PTPRZ1: variants seen among roughly 807,000 people sequenced by gnomAD.
PTPRZ1 encodes protein tyrosine phosphatase receptor type Z1.
PTPRZ1 carries 82 observed loss-of-function variants against 214.1 expected under a neutral mutation model. The observed-to-expected ratio is 0.38, with a 90% CI of 0.32 to 0.46. The LOEUF (loss-of-function observed/expected upper bound fraction) is 0.46, where lower values mean the gene tolerates loss of function less well. Ranked by LOEUF, PTPRZ1 falls within the 20% of genes least tolerant of loss-of-function variation. The pLI is 1.00. For synonymous variants in PTPRZ1, 945 were observed against 987.9 expected (o/e 0.96, Z 0.81); for missense variants, 2,603 against 2,748.7 (o/e 0.95, Z 1.19).
intron 15 of PTPRZ1, 121 bp downstream of exon 15, chr7:122,031,680 G>T: frequency 1.6e-6 from 1 of 612,200 alleles, no homozygotes; most frequent in East Asian, 2.9e-5. Flanking sequence ...GTAAAAATAT[G>T]AGTTCCATAA....
chr7:121,970,200 G>C (rs1797194806), intron 3 of PTPRZ1, among the ~76,000 whole-genome samples: 4 of 152,130 alleles, frequency 2.6e-5, no homozygotes, highest in Middle Eastern at 3.4e-3. Flanking sequence ...CCAGTCTATT[G>C]TTGTTGGACA....
rs1799628401 is a variant in PTPRZ1, at chr7:122,038,840, A to G, written c.5453A>G (p.His1818Arg). ...GATTTCTGGAGAATGATATGGGAAC[A>G]TAATGTGGAAGTTATTGTCATGATA... is the stretch of plus-strand genomic sequence containing the variant. ...AEDFWRMIWE[H>R]NVEVIVMITN... Residue 1818 changes from histidine (H) to arginine (R), a missense_variant, in exon 19 of 30, where the codon CAT becomes CGT. Physicochemically the swap from His to Arg is conservative, Grantham distance 29 (BLOSUM62 0). Coordinates refer to ENST00000393386, the MANE Select transcript of PTPRZ1 (RefSeq NM_002851.3). 1 of 1,613,930 alleles carries G rather than the reference A, an allele frequency of 6.2e-7. No individual in the cohort carries two copies. The highest frequency in any genetic ancestry group is 8.5e-7 in the Non-Finnish European group (1 of 1,179,858).
chr7:122,022,486 G>A (rs1799047330), intron 13 of PTPRZ1, among the ~76,000 whole-genome samples: 1 of 152,188 alleles, frequency 6.6e-6, no homozygotes, highest in African/African-American at 2.4e-5. Flanking sequence ...CCCGTACAGA[G>A]ACAGAGGGAG....
At chr7:122,055,179 G>A in intron 27 of PTPRZ1, 92 bp downstream of exon 27, 1 of 1,100,784 alleles carries the variant, frequency 9.1e-7, no homozygotes, top group Non-Finnish European at 1.2e-6. Context: ...TGAAAAGCAT[G>A]ATTCTGATTT....
In PTPRZ1 at chr7:121,876,733, CGTATACT is replaced by C. The variant is rs552276131; in HGVS notation, c.58+3179_58+3185del. ...TTATTTCATTTCTCTCTCCTTTTTA[CGTATACT>C]GTGGTTGCTTCCAGTCAGGGAAGTT... On this transcript the variant is annotated intron_variant, in intron 1 of 29. Transcript: ENST00000393386. Among the ~76,000 whole-genome samples the C allele has an allele frequency of 1.2e-4, 19 of 152,200 alleles. 1 individual carries two copies. The South Asian group carries it at 3.9e-3, about 32-fold the overall frequency.
Position 122,053,954 on chromosome 7 carries a change from C to A in PTPRZ1, c.6297C>A (p.Leu2099=). The A allele has an allele frequency of 6.2e-7, 1 of 1,613,302 alleles. No individual in the cohort carries two copies. The part of the protein sequence containing the change: ...SNEFIITQHP[L]LHTIKDFWRM... ...AATTCATCATTACCCAGCACCCTCT[C>A]CTTCATACCATCAAGGATTTCTGGA... The change falls in exon 26 of 30, where the codon CTC becomes CTA. Residue 2099 remains leucine, a synonymous_variant. Coordinates refer to ENST00000393386, the MANE Select transcript of PTPRZ1 (RefSeq NM_002851.3).
At chr7:121,913,347 T>C (rs1447317037) in intron 1 of PTPRZ1, among the ~76,000 whole-genome samples, 5 of 152,156 alleles carry the variant, frequency 3.3e-5, no homozygotes, top group Non-Finnish European at 1.5e-5. Context: ...CAAATATTCA[T>C]CCGCTCAGCT....
intron 1 of PTPRZ1, among the ~76,000 whole-genome samples, chr7:121,900,401 T>C (rs1228026187): frequency 1.3e-5 from 2 of 152,234 alleles, no homozygotes; most frequent in Non-Finnish European, 2.9e-5. Context: ...GATGTGCCTC[T>C]TCTATTTATT....
At chr7:121,990,119 C>T (rs2116589516) in intron 8 of PTPRZ1, among the ~76,000 whole-genome samples, 1 of 152,056 alleles carries the variant, frequency 6.6e-6, no homozygotes, top group East Asian at 1.9e-4. Context: ...TATTTTTTGC[C>T]ATTATAAATA....
rs1263268371 is a variant in PTPRZ1, at chr7:121,873,179, C to G, written c.-321C>G. 1 of 411,672 alleles carries G rather than the reference C, an allele frequency of 2.4e-6. No individual in the cohort carries two copies. The highest frequency in any genetic ancestry group is 4.3e-6 in the Non-Finnish European group (1 of 234,120). 25.5% of individuals were successfully genotyped at this position (411,672 alleles called of 1,614,324 possible). A position where few individuals can be genotyped will look rare whatever the true frequency, so the allele number is the denominator to read the frequency against. ...AGCGCTCAGACCGCGGCCGCCGCAG[C>G]CGGCGAAAGAGGCAAAGTCCCGCAC... On this transcript the variant is annotated 5_prime_UTR_variant, in exon 1 of 30. Coordinates refer to ENST00000393386, the MANE Select transcript of PTPRZ1 (RefSeq NM_002851.3).
At position 122,010,819 on chromosome 7, in the gene PTPRZ1, C is replaced by A. The variant is rs753992067; in HGVS notation, c.1773C>A (p.Pro591=). Reference sequence around the variant, plus strand: ...CTGAAGATTCTTCAGGCTCCAGTCCCGCAACTTCTGCTATCCCATTCATCT... The same window carrying A: ...CTGAAGATTCTTCAGGCTCCAGTCCAGCAACTTCTGCTATCCCATTCATCT... ...TGAEDSSGSS[P]ATSAIPFISE... The change falls in exon 12 of 30, where the codon CCC becomes CCA. Residue 591 remains proline, a synonymous_variant. Transcript: ENST00000393386. The A allele has an allele frequency of 6.2e-7, 1 of 1,613,916 alleles. No homozygotes were observed. The highest frequency in any genetic ancestry group is 1.3e-5 in the African/African-American group (1 of 74,880).
chr7:121,913,115 C>T (rs1055203671), intron 1 of PTPRZ1, among the ~76,000 whole-genome samples: 1 of 151,992 alleles, frequency 6.6e-6, no homozygotes, highest in African/African-American at 2.4e-5. Flanking sequence ...AATTATTACT[C>T]AATTATAATT....
chr7:122,000,646 CATATATATATATATATATAT>C lies in PTPRZ1; in HGVS notation c.1240+2677_1240+2696del, dbSNP rs60953788. Among the ~76,000 whole-genome samples, 398 of 51,680 alleles carry C rather than the reference CATATATATATATATATATAT, an allele frequency of 7.7e-3. 6 individuals are homozygous for C. Among genetic ancestry groups the C allele is most frequent in the South Asian group, 0.013 (14 of 1,066 alleles). 33.9% of individuals were successfully genotyped at this position (51,680 alleles called of 152,430 possible). A position where few individuals can be genotyped will look rare whatever the true frequency, so the allele number is the denominator to read the frequency against. ...ATTGCTGTCATTCTTTGATAGATTT[CATATATATATATATATATAT>C]ATATATATATATATATATATATATA... On this transcript the variant is annotated intron_variant, in intron 10 of 29. Transcript: ENST00000393386.
At chr7:122,052,848 T>C (rs1161712664) in intron 25 of PTPRZ1, among the ~76,000 whole-genome samples, 1 of 152,122 alleles carries the variant, frequency 6.6e-6, no homozygotes, top group Non-Finnish European at 1.5e-5. Context: ...CCACTCTCTG[T>C]GGAGTAAGAG....
chr7:121,895,078 T>C (rs973384663), intron 1 of PTPRZ1, among the ~76,000 whole-genome samples: 2 of 152,230 alleles, frequency 1.3e-5, no homozygotes, highest in Non-Finnish European at 2.9e-5. Flanking sequence ...TTATATCTTT[T>C]GATCAACAAT....
chr7:121,898,859 C>T (rs757931378), intron 1 of PTPRZ1, among the ~76,000 whole-genome samples: 76 of 152,198 alleles, frequency 5.0e-4, no homozygotes, highest in Admixed American at 3.9e-3. Context: ...AAAGCTAGAA[C>T]AGAGTGTGTG....
intron 3 of PTPRZ1, among the ~76,000 whole-genome samples, chr7:121,968,689 T>A (rs1797120685): frequency 6.6e-6 from 1 of 151,750 alleles, no homozygotes; most frequent in African/African-American, 2.4e-5. Context: ...TAAGTACAAA[T>A]TCTAATAAGC....
intron 1 of PTPRZ1, 68 bp downstream of exon 1, chr7:121,873,625 C>T (rs1486382047): frequency 6.4e-7 from 1 of 1,567,202 alleles, no homozygotes; most frequent in Middle Eastern, 1.7e-4. Flanking sequence ...AGCATTTCAG[C>T]GTGTCCGCGA....
chr7:122,028,708 G>T (rs983693262), intron 14 of PTPRZ1, 65 bp downstream of exon 14: 1 of 1,305,446 alleles, frequency 7.7e-7, no homozygotes, highest in East Asian at 2.3e-5. Context: ...AATGTTGAAA[G>T]GTTTGTTTTT....
Sources: gnomAD v4.1 joint callset for allele counts (sites outside exome capture counted in the v4.1 genomes callset) on GRCh38, gnomAD v4.1.1 for gene constraint, MANE v1.5 for transcripts, NCBI Gene and HGNC (gene_info 2026-07-23, HGNC 2026-07-21) for gene names.